Variants in PTPRN2 observed in about 807,000 individuals in gnomAD.
PTPRN2 encodes receptor-type tyrosine-protein phosphatase N2.
Under a neutral mutation model 118.8 loss-of-function variants are expected in PTPRN2, and 74 were observed. The observed-to-expected ratio is 0.62, with a 90% CI of 0.52 to 0.76. The LOEUF (loss-of-function observed/expected upper bound fraction) is 0.76, where lower values mean the gene tolerates loss of function less well. Ranked by LOEUF, PTPRN2 falls within the 30% of genes least tolerant of loss-of-function variation. The probability of loss-of-function intolerance (pLI) is 0.00; values close to 1 mark genes in which losing one functional copy is unlikely to be tolerated. For missense variants in PTPRN2, 1,481 were observed against 1,394.4 expected (o/e 1.06, Z -0.99); for synonymous variants, 641 against 608.0 (o/e 1.05, Z -0.80).
At chr7:158,364,447 C>T (rs1586468244) in intron 2 of PTPRN2, among the ~76,000 whole-genome samples, 3 of 152,266 alleles carry the variant, frequency 2.0e-5, no homozygotes, top group Admixed American at 6.5e-5. Context: ...ATCCTCACTT[C>T]GTATTCAGGT....
chr7:157,657,424 T>A (rs1212440272), intron 13 of PTPRN2, among the ~76,000 whole-genome samples: 6 of 64,226 alleles, frequency 9.3e-5, no homozygotes, highest in South Asian at 6.6e-4. Context: ...TACACACACA[T>A]ACGCCACACA....
intron 12 of PTPRN2, among the ~76,000 whole-genome samples, chr7:157,799,602 C>T (rs1422382220): frequency 3.3e-5 from 5 of 152,130 alleles, no homozygotes; most frequent in Admixed American, 6.5e-5. Flanking sequence ...TCCACTCCAG[C>T]GTGTGCTCCT....
rs1221121137 is a variant in PTPRN2 at position 157,764,660 on chromosome 7, A to G, written c.1789-81723T>C. Among the ~76,000 whole-genome samples the G allele has an allele frequency of 6.6e-6, 1 of 152,218 alleles. No homozygotes were observed. The highest frequency in any genetic ancestry group is 6.5e-5 in the Admixed American group (1 of 15,280). On this transcript the variant is annotated intron_variant, in intron 12 of 22. Transcript: ENST00000389418. The surrounding 1 kb of genome is among the most constrained non-coding windows in gnomAD (Gnocchi z 4.5). ...CAGATAGTGATGATGGTTGCACAGT[A>G]TTTTGAATGTAAATACTACCACTAA...
At chr7:157,911,940 G>A (rs1798128923) in intron 11 of PTPRN2, among the ~76,000 whole-genome samples, 1 of 152,172 alleles carries the variant, frequency 6.6e-6, no homozygotes, top group Non-Finnish European at 1.5e-5. Context: ...CTGTGTGACT[G>A]CATTCTATAC....
intron 11 of PTPRN2, among the ~76,000 whole-genome samples, chr7:157,954,411 TGTGCTGTGTGGTGTGTGTGTGGTGCAC>T (rs1311577391): frequency 6.6e-6 from 1 of 151,526 alleles, no homozygotes; most frequent in African/African-American, 2.4e-5. Context: ...GTGTACTGTG[TGTGCTGTGTGGTGTGTGTGTGGTGCAC>T]GTGTGCTGTG....
chr7:157,769,353 G>T (rs1385241767), intron 12 of PTPRN2, among the ~76,000 whole-genome samples: 3 of 152,184 alleles, frequency 2.0e-5, no homozygotes, highest in African/African-American at 7.2e-5. Flanking sequence ...CAACCAGCTC[G>T]CCCTGCTGGA....
chr7:157,704,066 C>G (rs1021024006), intron 12 of PTPRN2, among the ~76,000 whole-genome samples: 1 of 152,166 alleles, frequency 6.6e-6, no homozygotes, highest in African/African-American at 2.4e-5. Context: ...CTTAGATTGT[C>G]TGATGCTGTG....
chr7:157,657,755 CCA>C (rs56674248), intron 13 of PTPRN2, among the ~76,000 whole-genome samples: 3 of 35,616 alleles, frequency 8.4e-5, no homozygotes, highest in African/African-American at 2.9e-4. Flanking sequence ...CACACATACA[CCA>C]CACACACCAC....
chr7:158,477,766 T>C (rs1470597128), intron 2 of PTPRN2, among the ~76,000 whole-genome samples: 1 of 152,200 alleles, frequency 6.6e-6, no homozygotes, highest in African/African-American at 2.4e-5. Flanking sequence ...CACCCACCCC[T>C]CACCCCAGGT....
At position 158,133,695 on chromosome 7, in the gene PTPRN2, T is replaced by G. The variant is rs769055673; in HGVS notation, c.1538A>C (p.Tyr513Ser). ...TACTCACTCTCTGTCTGTCACGATG[T>G]AGCCCCGCGCCTCTTCCTCGGAAGG... ...VQPSEEEARG[Y>S]IVTDRDPLRP... The change falls in exon 9 of 23, where the codon TAC (tyrosine) becomes TCC (serine). Residue 513 changes from tyrosine to serine, a missense_variant. By Grantham distance (144) the Tyr-to-Ser change is moderately radical. Around this residue, in one of 3 missense-constraint regions of PTPRN2, gnomAD observed 1,115 missense variants for 994.2 expected, o/e 1.12. Coordinates refer to ENST00000389418, the MANE Select transcript of PTPRN2 (RefSeq NM_002847.5). 6.3e-7 allele frequency: 1 copy of G among 1,595,852 alleles called. No homozygotes were observed. The highest frequency in any genetic ancestry group is 8.5e-7 in the Non-Finnish European group (1 of 1,171,416).
chr7:158,535,820 G>C (rs1825610302), intron 1 of PTPRN2, among the ~76,000 whole-genome samples: 1 of 151,152 alleles, frequency 6.6e-6, no homozygotes, highest in Admixed American at 6.6e-5. Context: ...GGCTATACTT[G>C]ATTATATTTG....
At chr7:157,723,469 T>C (rs1051089282) in intron 12 of PTPRN2, among the ~76,000 whole-genome samples, 1 of 152,190 alleles carries the variant, frequency 6.6e-6, no homozygotes, top group African/African-American at 2.4e-5. Flanking sequence ...CTCGGCCCCG[T>C]GCCCCTCTCC....
In PTPRN2 at chr7:157,619,387, C is replaced by T. The variant is rs948915193; in HGVS notation, c.2344+1975G>A. 3.9e-5 allele frequency among the ~76,000 whole-genome samples: 6 copies of T among 152,170 alleles called. No individual in the cohort carries two copies. The highest frequency in any genetic ancestry group is 7.3e-5 in the Non-Finnish European group (5 of 68,036). Reference sequence around the variant, plus strand: ...TCAGCAGGATACCCGCTCACCACCACCCTCACTTGTCCTACCACACCGGCT... The same window carrying T: ...TCAGCAGGATACCCGCTCACCACCATCCTCACTTGTCCTACCACACCGGCT... On this transcript the variant is annotated intron_variant, in intron 15 of 22. Transcript: ENST00000389418. This position sits in a 1 kb window ranked among gnomAD's most constrained non-coding sequence, Gnocchi z 5.3.
At chr7:157,839,982 TTGAC>T (rs1177504837) in intron 12 of PTPRN2, among the ~76,000 whole-genome samples, 1 of 112,572 alleles carries the variant, frequency 8.9e-6, no homozygotes, top group Non-Finnish European at 1.9e-5. Context: ...GTGACCACAT[TTGAC>T]TGTGTGGCCG....
At chr7:158,247,917 A>C (rs1796364773) in intron 3 of PTPRN2, among the ~76,000 whole-genome samples, 1 of 152,078 alleles carries the variant, frequency 6.6e-6, no homozygotes, top group Non-Finnish European at 1.5e-5. Flanking sequence ...CGCCCAGCCT[A>C]CCATCTGTGT....
chr7:157,578,243 C>T, intron 17 of PTPRN2, 103 bp from the exon 18 acceptor site: 2 of 1,335,634 alleles, frequency 1.5e-6, no homozygotes, highest in Non-Finnish European at 2.0e-6. Flanking sequence ...ATTCCATTCA[C>T]AGGACATTTA....
intron 1 of PTPRN2, among the ~76,000 whole-genome samples, chr7:158,495,602 C>A (rs1821783272): frequency 1.3e-5 from 2 of 152,146 alleles, no homozygotes; most frequent in Non-Finnish European, 2.9e-5. Context: ...ACCAAGGAGT[C>A]CCCACACCCC....
rs892139038 is a variant in PTPRN2, at chr7:158,397,329, C to T, written c.164-80397G>A. Among the ~76,000 whole-genome samples the T allele has an allele frequency of 2.0e-4, 31 of 152,202 alleles. 1 individual carries two copies. Among genetic ancestry groups the T allele is most frequent in the Admixed American group, 1.7e-3 (26 of 15,286 alleles). ...CGCCCATCCAGGATGCTGCCAGGAG[C>T]CTGCATCCAGACACCCTCAGCGGTT... is the stretch of plus-strand genomic sequence containing the variant. On this transcript the variant is annotated intron_variant, in intron 2 of 22. Coordinates refer to ENST00000389418, the MANE Select transcript of PTPRN2 (RefSeq NM_002847.5).
intron 17 of PTPRN2, among the ~76,000 whole-genome samples, chr7:157,586,649 G>A (rs1292116971): frequency 2.0e-5 from 3 of 152,012 alleles, no homozygotes; most frequent in African/African-American, 4.8e-5. Flanking sequence ...TGGACGCCAC[G>A]TCTGTCCTGG....
Sources: gnomAD v4.1 joint callset for allele counts (sites outside exome capture counted in the v4.1 genomes callset) on GRCh38, gnomAD v4.1.1 for gene constraint, gnomAD v4.1.1 regional missense constraint, Gnocchi (gnomAD v3.1) non-coding constraint, MANE v1.5 for transcripts, NCBI Gene and HGNC (gene_info 2026-07-23, HGNC 2026-07-21) for gene names.